Variants in PROS1 observed in about 807,000 individuals in gnomAD.
The protein encoded by PROS1 is protein S.
PROS1 carries 29 observed loss-of-function variants against 75.9 expected under a neutral mutation model. The observed-to-expected ratio is 0.38, with a 90% CI of 0.28 to 0.52. The LOEUF (loss-of-function observed/expected upper bound fraction) is 0.52. Among genes scored for constraint, PROS1 ranks in the 20% least tolerant of loss-of-function variants. The probability of loss-of-function intolerance (pLI) is 0.83; values close to 1 mark genes in which losing one functional copy is unlikely to be tolerated. For synonymous variants in PROS1, 245 were observed against 280.6 expected (o/e 0.87, Z 1.27); for missense variants, 680 against 810.3 (o/e 0.84, Z 1.95).
intron 9 of PROS1, among the ~76,000 whole-genome samples, 167 bp from the exon 10 acceptor site, chr3:93,893,289 A>G (rs1708458993): frequency 6.6e-6 from 1 of 152,172 alleles, no homozygotes; most frequent in Admixed American, 6.5e-5. Flanking sequence ...CTGCTCATGT[A>G]TTATCTCTGG....
intron 12 of PROS1, among the ~76,000 whole-genome samples, chr3:93,879,836 T>C (rs1472462500): frequency 6.6e-6 from 1 of 152,206 alleles, no homozygotes; most frequent in Non-Finnish European, 1.5e-5. Context: ...ATAGGAACCC[T>C]TGTTTTGTGA....
At chr3:93,944,221 A>T (rs1242344260) in intron 1 of PROS1, among the ~76,000 whole-genome samples, 1 of 150,716 alleles carries the variant, frequency 6.6e-6, no homozygotes, top group African/African-American at 2.5e-5. Flanking sequence ...GAAGAAAACT[A>T]CACCTGCCAC....
In PROS1 at chr3:93,906,012, T is replaced by C. The variant is rs1033113628; in HGVS notation, c.469+9A>G. Reference sequence around the variant, plus strand: ...TGATGAGCTGGGGGGCGGGGGTTATTATACGTACCAAATTCACACTTTTCT... The same window carrying C: ...TGATGAGCTGGGGGGCGGGGGTTATCATACGTACCAAATTCACACTTTTCT... On this transcript the variant is annotated intron_variant, in intron 5 of 14. Coordinates refer to ENST00000394236, the MANE Select transcript of PROS1 (RefSeq NM_000313.4). The C allele has an allele frequency of 6.2e-7, 1 of 1,613,944 alleles. No individual in the cohort carries two copies. Among genetic ancestry groups the C allele is most frequent in the Non-Finnish European group, 8.5e-7 (1 of 1,179,976 alleles).
intron 1 of PROS1, among the ~76,000 whole-genome samples, chr3:93,959,341 T>G (rs1218387255): frequency 2.6e-5 from 4 of 151,880 alleles, no homozygotes; most frequent in Admixed American, 6.6e-5. Flanking sequence ...AAAAAGGAAT[T>G]TAAAAATAAT....
intron 6 of PROS1, among the ~76,000 whole-genome samples, chr3:93,905,047 C>T (rs1708652928): frequency 6.6e-6 from 1 of 152,066 alleles, no homozygotes; most frequent in African/African-American, 2.4e-5. Flanking sequence ...TGTTGGAAAT[C>T]AGAAAAGTAT....
intron 8 of PROS1, among the ~76,000 whole-genome samples, chr3:93,896,935 C>T (rs1029053464): frequency 1.6e-4 from 24 of 152,126 alleles, no homozygotes; most frequent in African/African-American, 2.4e-4. Context: ...GCATGGCTTT[C>T]GATCTTTGTC....
At chr3:93,933,573 C>CA (rs201554383) in intron 1 of PROS1, among the ~76,000 whole-genome samples, 64 of 133,538 alleles carry the variant, frequency 4.8e-4, no homozygotes, top group African/African-American at 1.2e-3. Context: ...GACCTTGCCT[C>CA]AAAAAAAAAG....
intron 3 of PROS1, among the ~76,000 whole-genome samples, chr3:93,913,344 G>A (rs191761607): frequency 3.9e-5 from 6 of 152,264 alleles, no homozygotes; most frequent in African/African-American, 4.8e-5. Context: ...CAATTTCCCC[G>A]ATACTGTGCT....
chr3:93,879,142 A>C, intron 13 of PROS1, 21 bp downstream of exon 13: 8 of 1,608,306 alleles, frequency 5.0e-6, no homozygotes, highest in Non-Finnish European at 6.8e-6. Context: ...CAAGGCTTAT[A>C]TAGGTTTAGA....
At chr3:93,909,652 C>A (rs1243967104) in intron 4 of PROS1, among the ~76,000 whole-genome samples, 8 of 152,106 alleles carry the variant, frequency 5.3e-5, no homozygotes, top group African/African-American at 1.9e-4. Context: ...TGTACATGTT[C>A]TTCCCATCCT....
At chr3:93,962,313 T>A (rs1709719117) in intron 1 of PROS1, among the ~76,000 whole-genome samples, 1 of 152,158 alleles carries the variant, frequency 6.6e-6, no homozygotes, top group African/African-American at 2.4e-5. Context: ...ACAAACTCCC[T>A]ATACTAGCAA....
intron 1 of PROS1, among the ~76,000 whole-genome samples, chr3:93,939,637 T>C (rs1338748911): frequency 1.3e-5 from 2 of 152,182 alleles, no homozygotes; most frequent in African/African-American, 4.8e-5. Context: ...TCAAGGTTAA[T>C]GCTCCTTTTC....
intron 8 of PROS1, among the ~76,000 whole-genome samples, chr3:93,897,921 CT>C (rs2107157207): frequency 6.6e-6 from 1 of 152,144 alleles, no homozygotes; most frequent in Admixed American, 6.5e-5. Flanking sequence ...ATCAACCTCT[CT>C]GAATTATGAT....
chr3:93,953,139 C>A (rs879050270), intron 1 of PROS1, among the ~76,000 whole-genome samples: 1 of 152,188 alleles, frequency 6.6e-6, no homozygotes, highest in Non-Finnish European at 1.5e-5. Flanking sequence ...CAGCTGAATT[C>A]TACCAGACAT....
chr3:93,933,458 C>A (rs1709135809), intron 1 of PROS1, among the ~76,000 whole-genome samples: 1 of 151,760 alleles, frequency 6.6e-6, no homozygotes, highest in Non-Finnish European at 1.5e-5. Flanking sequence ...ACCTGGAATC[C>A]CAGCTACTTG....
rs1709930896 is a variant in PROS1 at position 93,973,807 on chromosome 3, C to A, written c.-58G>T. 6 of 1,453,828 alleles carry A rather than the reference C, an allele frequency of 4.1e-6. No individual in the cohort carries two copies. Among genetic ancestry groups the A allele is most frequent in the Non-Finnish European group, 5.6e-6 (6 of 1,064,550 alleles). The allele number at this position is 1,453,828 out of a possible 1,614,324, so 90.1% of individuals were successfully genotyped here. ...TGGCGCGTCGCGGCGGGGACCGGAG[C>A]GCTAGGCGCCGCGGAGCTGCGAGCC... is the stretch of plus-strand genomic sequence containing the variant. On this transcript the variant is annotated 5_prime_UTR_variant, in exon 1 of 15. Transcript: ENST00000394236.
chr3:93,927,333 G>A lies in PROS1; in HGVS notation c.151C>T (p.Gln51Ter). Residue 51 changes from glutamine to a stop codon, truncating the protein, a stop_gained, in exon 2 of 15, where the codon CAG becomes TAG. Transcript: ENST00000394236. LOFTEE classifies it high-confidence loss of function. The stretch of plus-strand genomic sequence containing the variant: ...ATGCATTCTCTTTCAAGATTACCCT[G>A]TTTGGTTTCTTCAAGTAAAGAATTT... ...RANSLLEETK[Q>*]GNLERECIEE... is the part of the protein sequence containing the mutation. 6.2e-7 allele frequency: 1 copy of A among 1,613,698 alleles called. No homozygotes were observed. Among genetic ancestry groups the A allele is most frequent in the Non-Finnish European group, 8.5e-7 (1 of 1,179,944 alleles).
At chr3:93,900,664 T>C (rs760724871) in intron 7 of PROS1, 140 bp downstream of exon 7, 22 of 1,240,786 alleles carry the variant, frequency 1.8e-5, no homozygotes, top group Admixed American at 3.6e-5. Flanking sequence ...AGGAAGCCAA[T>C]GATTACCCAA....
intron 11 of PROS1, among the ~76,000 whole-genome samples, chr3:93,885,921 AC>A (rs1708339262): frequency 6.6e-6 from 1 of 152,164 alleles, no homozygotes; most frequent in Non-Finnish European, 1.5e-5. Flanking sequence ...CTAAAAATAG[AC>A]TTGAGAAAGT....
Sources: gnomAD v4.1 joint callset for allele counts (sites outside exome capture counted in the v4.1 genomes callset) on GRCh38, gnomAD v4.1.1 for gene constraint, MANE v1.5 for transcripts, NCBI Gene and HGNC (gene_info 2026-07-23, HGNC 2026-07-21) for gene names.